The following FABP12 variants were observed in gnomAD, a reference collection of about 807,000 sequenced individuals.
FABP12 encodes the protein fatty acid binding protein 12.
Under a neutral mutation model 13.7 loss-of-function variants are expected in FABP12, and 19 were observed. The ratio of observed to expected loss-of-function variants is 1.39; its 90% CI spans 0.97 to 2.04. The LOEUF (loss-of-function observed/expected upper bound fraction) is 2.04. Ranked by LOEUF, FABP12 falls within the 30% of genes most tolerant of loss-of-function variation. The probability of loss-of-function intolerance (pLI) is 0.00; values close to 1 mark genes in which losing one functional copy is unlikely to be tolerated. For synonymous variants in FABP12, 61 were observed against 57.0 expected (o/e 1.07, Z -0.32); for missense variants, 182 against 164.2 (o/e 1.11, Z -0.59).
chr8:81,571,712 G>A (rs1222690373), intron 1 of FABP12, among the ~76,000 whole-genome samples: 1 of 152,206 alleles, frequency 6.6e-6, no homozygotes, highest in Non-Finnish European at 1.5e-5. Flanking sequence ...TGCTCCAGTT[G>A]TCAAACTTCA....
At chr8:81,564,056 A>G (rs1809773949) in intron 1 of FABP12, among the ~76,000 whole-genome samples, 1 of 152,180 alleles carries the variant, frequency 6.6e-6, no homozygotes, top group African/African-American at 2.4e-5. Flanking sequence ...GAAAAGAAAC[A>G]AATAACATGG....
At chr8:81,542,472 T>G (rs907600075) in intron 1 of FABP12, among the ~76,000 whole-genome samples, 2 of 152,094 alleles carry the variant, frequency 1.3e-5, no homozygotes, top group African/African-American at 4.8e-5. Flanking sequence ...TGGAGGTAAT[T>G]GAGGCAACCC....
At chr8:81,544,521 A>C (rs1809403423) in intron 1 of FABP12, among the ~76,000 whole-genome samples, 1 of 152,170 alleles carries the variant, frequency 6.6e-6, no homozygotes. Flanking sequence ...TAGAGTGTGG[A>C]CATATTTTTT....
At chr8:81,576,540 A>G (rs1810050423) in intron 1 of FABP12, among the ~76,000 whole-genome samples, 1 of 151,946 alleles carries the variant, frequency 6.6e-6, no homozygotes, top group East Asian at 1.9e-4. Context: ...CACACATTAT[A>G]CTATATATAC....
At chr8:81,589,135 A>G (rs1285227301) in intron 1 of FABP12, among the ~76,000 whole-genome samples, 1 of 152,228 alleles carries the variant, frequency 6.6e-6, no homozygotes, top group East Asian at 1.9e-4. Flanking sequence ...AGAGCAAATC[A>G]TGCCGCCTTC....
intron 1 of FABP12, among the ~76,000 whole-genome samples, chr8:81,580,404 A>T (rs1157913809): frequency 1.3e-5 from 2 of 152,202 alleles, no homozygotes; most frequent in Non-Finnish European, 2.9e-5. Context: ...GAGCCATAAC[A>T]TCTTTGCTTT....
intron 1 of FABP12, among the ~76,000 whole-genome samples, chr8:81,581,925 G>T (rs1324163934): frequency 6.6e-6 from 1 of 151,426 alleles, no homozygotes; most frequent in East Asian, 1.9e-4. Context: ...CAAGGAAGAG[G>T]AAAAGCTCAA....
chr8:81,563,090 CTTTG>C (rs1009624128), intron 1 of FABP12, among the ~76,000 whole-genome samples: 5 of 152,222 alleles, frequency 3.3e-5, no homozygotes, highest in African/African-American at 1.2e-4. Context: ...CAGAGAGATA[CTTTG>C]TTTGAGGGAA....
chr8:81,542,078 C>T (rs1003260218), intron 1 of FABP12, among the ~76,000 whole-genome samples: 2 of 152,016 alleles, frequency 1.3e-5, no homozygotes, highest in African/African-American at 2.4e-5. Context: ...AGTGAAGTCT[C>T]AAAAACAAGA....
intron 1 of FABP12, among the ~76,000 whole-genome samples, chr8:81,549,600 T>G (rs1372313473): frequency 6.6e-6 from 1 of 152,178 alleles, no homozygotes; most frequent in Non-Finnish European, 1.5e-5. Flanking sequence ...GTGAGTTTTC[T>G]TAATTGGTAT....
chr8:81,572,032 T>C (rs1809942408), intron 1 of FABP12, among the ~76,000 whole-genome samples: 1 of 152,190 alleles, frequency 6.6e-6, no homozygotes, highest in Admixed American at 6.5e-5. Flanking sequence ...AGTGGTGATT[T>C]GTGAGATTTT....
At chr8:81,575,346 T>C (rs186757137) in intron 1 of FABP12, among the ~76,000 whole-genome samples, 30 of 152,336 alleles carry the variant, frequency 2.0e-4, no homozygotes, top group Non-Finnish European at 3.4e-4. Flanking sequence ...TTTTCATGAA[T>C]TGATTGAGGC....
At chr8:81,555,601 A>G (rs1809598131) in intron 1 of FABP12, among the ~76,000 whole-genome samples, 1 of 152,252 alleles carries the variant, frequency 6.6e-6, no homozygotes, top group African/African-American at 2.4e-5. Flanking sequence ...ATGGTTATTT[A>G]AAGTCTTGGA....
intron 1 of FABP12, among the ~76,000 whole-genome samples, chr8:81,544,742 T>G (rs1192485327): frequency 6.6e-6 from 1 of 152,002 alleles, no homozygotes; most frequent in East Asian, 1.9e-4. Context: ...CAAAGATGAA[T>G]AAGACCCAAT....
chr8:81,583,231 T>C (rs1810194058), intron 1 of FABP12, among the ~76,000 whole-genome samples: 1 of 151,986 alleles, frequency 6.6e-6, no homozygotes, highest in Middle Eastern at 3.4e-3. Flanking sequence ...ATAATAGCAA[T>C]AAGCACCTAT....
intron 1 of FABP12, among the ~76,000 whole-genome samples, chr8:81,584,308 C>T (rs1367766555): frequency 1.3e-5 from 2 of 152,276 alleles, no homozygotes; most frequent in South Asian, 4.1e-4. Context: ...GATTGCAAGT[C>T]CAGGAGAGAA....
chr8:81,526,709 G>A (rs1480818611), intron 4 of FABP12, among the ~76,000 whole-genome samples: 2 of 152,130 alleles, frequency 1.3e-5, no homozygotes, highest in Non-Finnish European at 2.9e-5. Context: ...CTGGAGTGGA[G>A]TAGAGGATTG....
At chr8:81,572,599 G>T (rs566914602) in intron 1 of FABP12, among the ~76,000 whole-genome samples, 31 of 152,182 alleles carry the variant, frequency 2.0e-4, no homozygotes, top group African/African-American at 7.2e-4. Flanking sequence ...CCTGATCACC[G>T]CATCCATACC....
chr8:81,561,039 T>C (rs1225994025), intron 1 of FABP12, among the ~76,000 whole-genome samples: 4 of 152,222 alleles, frequency 2.6e-5, no homozygotes, highest in Non-Finnish European at 5.9e-5. Context: ...TTGTATCACA[T>C]GTCTTTTCTA....
Sources: allele counts gnomAD v4.1 joint callset (sites outside exome capture counted in the v4.1 genomes callset), GRCh38; gene constraint gnomAD v4.1.1; transcripts MANE v1.5; gene names NCBI Gene and HGNC (gene_info 2026-07-23, HGNC 2026-07-21).